The following STK39 variants were observed in gnomAD, a reference collection of about 807,000 sequenced individuals.
The protein encoded by STK39 is serine/threonine kinase 39.
STK39 carries 20 observed loss-of-function variants against 77.8 expected under a neutral mutation model. The observed-to-expected ratio is 0.26, with a 90% CI of 0.18 to 0.37. STK39 has a LOEUF of 0.37. STK39 is among the 10% of genes least tolerant of loss of function. The pLI is 1.00. For missense variants in STK39, 479 were observed against 656.5 expected (o/e 0.73, Z 2.95); for synonymous variants, 246 against 234.1 (o/e 1.05, Z -0.47).
rs116344243 is a variant in STK39, at chr2:168,053,868, A to C, written c.1376+9632T>G. 9.9e-3 allele frequency among the ~76,000 whole-genome samples: 1,504 copies of C among 152,362 alleles called. 27 individuals are homozygous for C. The highest frequency in any genetic ancestry group is 0.033 in the African/African-American group (1,386 of 41,588). On this transcript the variant is annotated intron_variant, in intron 14 of 17. Coordinates refer to ENST00000355999, the MANE Select transcript of STK39 (RefSeq NM_013233.3). ...GTGTCAGAAGACCCAGATGCTAGCC[A>C]GCTGGAGAATTACAGCTGTGACTGC...
At chr2:168,058,776 C>T (rs1176463048) in intron 14 of STK39, among the ~76,000 whole-genome samples, 1 of 152,242 alleles carries the variant, frequency 6.6e-6, no homozygotes, top group East Asian at 1.9e-4. Context: ...GTCACATCAT[C>T]GTCACTATGT....
At chr2:168,029,952 A>T (rs1181304789) in intron 14 of STK39, among the ~76,000 whole-genome samples, 1 of 152,078 alleles carries the variant, frequency 6.6e-6, no homozygotes, top group Non-Finnish European at 1.5e-5. Flanking sequence ...TAAATCTCCC[A>T]ATTTTGGGCC....
Position 168,062,264 on chromosome 2 carries a change from G to T in STK39, c.1376+1236C>A, listed in dbSNP as rs148992849. 2.0e-3 allele frequency among the ~76,000 whole-genome samples: 303 copies of T among 152,264 alleles called. 1 individual carries two copies. The highest frequency in any genetic ancestry group is 3.6e-3 in the Non-Finnish European group (248 of 68,022). On this transcript the variant is annotated intron_variant, in intron 14 of 17. Transcript: ENST00000355999. ...GCACAGAGCTCCTGGCGCAGAGTGGGCTCCTCATAAATACGGGCTGAATTA... is the reference window on the plus strand; with the variant it reads ...GCACAGAGCTCCTGGCGCAGAGTGGTCTCCTCATAAATACGGGCTGAATTA...
At chr2:168,172,727 C>T (rs1199162602) in intron 2 of STK39, among the ~76,000 whole-genome samples, 3 of 152,090 alleles carry the variant, frequency 2.0e-5, no homozygotes, top group Admixed American at 6.6e-5. Context: ...ACCAAATTTG[C>T]GTATTTTACA....
At chr2:168,017,159 A>G in intron 14 of STK39, 64 bp from the exon 15 acceptor site, 1 of 1,174,062 alleles carries the variant, frequency 8.5e-7, no homozygotes, top group Non-Finnish European at 1.2e-6. Flanking sequence ...AACTACATGT[A>G]TTCAGATTTT....
intron 5 of STK39, among the ~76,000 whole-genome samples, chr2:168,151,587 T>C (rs1236689531): frequency 1.3e-5 from 2 of 151,742 alleles, no homozygotes; most frequent in African/African-American, 4.8e-5. Context: ...ACACAAAAAA[T>C]TAGCCAGGTG....
intron 5 of STK39, among the ~76,000 whole-genome samples, chr2:168,151,643 G>A (rs1443065754): frequency 6.6e-6 from 1 of 151,680 alleles, no homozygotes; most frequent in Non-Finnish European, 1.5e-5. Flanking sequence ...TGAGGCTGAC[G>A]CAGGAGAATC....
At chr2:168,006,656 G>A (rs1036421358) in intron 16 of STK39, among the ~76,000 whole-genome samples, 2 of 152,190 alleles carry the variant, frequency 1.3e-5, no homozygotes, top group Non-Finnish European at 2.9e-5. Context: ...ATGTCCTCTA[G>A]TTTTTCATCT....
At chr2:168,059,261 G>T (rs1168660600) in intron 14 of STK39, among the ~76,000 whole-genome samples, 2 of 152,142 alleles carry the variant, frequency 1.3e-5, no homozygotes, top group African/African-American at 4.8e-5. Flanking sequence ...CTCCCCTTGA[G>T]TATGAACAGG....
At chr2:168,211,095 C>G (rs1689879497) in intron 1 of STK39, among the ~76,000 whole-genome samples, 1 of 152,164 alleles carries the variant, frequency 6.6e-6, no homozygotes, top group African/African-American at 2.4e-5. Context: ...TTCAGTTCCT[C>G]TAAATCCAAC....
intron 1 of STK39, among the ~76,000 whole-genome samples, chr2:168,190,967 C>T (rs954580404): frequency 7.2e-5 from 11 of 152,198 alleles, no homozygotes; most frequent in African/African-American, 2.7e-4. Flanking sequence ...CACAGATAAA[C>T]GGATACACCC....
chr2:168,013,418 C>A (rs1684320968), intron 15 of STK39, among the ~76,000 whole-genome samples: 1 of 152,238 alleles, frequency 6.6e-6, no homozygotes, highest in African/African-American at 2.4e-5. Flanking sequence ...CACTAATCTT[C>A]TATCTGAAGG....
intron 1 of STK39, among the ~76,000 whole-genome samples, chr2:168,195,628 T>G (rs1218576800): frequency 6.6e-6 from 1 of 152,214 alleles, no homozygotes; most frequent in African/African-American, 2.4e-5. Context: ...TCTCCTGATG[T>G]GTCAATTAGC....
At chr2:168,166,380 C>A (rs1390238057) in intron 3 of STK39, among the ~76,000 whole-genome samples, 1 of 152,204 alleles carries the variant, frequency 6.6e-6, no homozygotes, top group African/African-American at 2.4e-5. Flanking sequence ...TGTGAAAGCA[C>A]CTTGTAAATT....
chr2:167,995,599 G>T (rs926560622), intron 16 of STK39, among the ~76,000 whole-genome samples: 97 of 152,254 alleles, frequency 6.4e-4, no homozygotes, highest in Non-Finnish European at 7.8e-4. Context: ...AGAAAGAACA[G>T]AGAGTATCAA....
intron 16 of STK39, among the ~76,000 whole-genome samples, chr2:167,967,798 T>C (rs1692200107): frequency 1.3e-5 from 2 of 152,130 alleles, no homozygotes; most frequent in Non-Finnish European, 2.9e-5. Context: ...TTTTAAAATA[T>C]AATTTCAACT....
At chr2:167,985,049 T>A (rs774392396) in intron 16 of STK39, among the ~76,000 whole-genome samples, 14 of 152,314 alleles carry the variant, frequency 9.2e-5, no homozygotes, top group South Asian at 2.1e-4. Flanking sequence ...CTCTGTCTCA[T>A]ATATTCTAAG....
intron 2 of STK39, among the ~76,000 whole-genome samples, chr2:168,173,069 C>A (rs372682563): frequency 7.2e-5 from 11 of 152,124 alleles, no homozygotes; most frequent in African/African-American, 2.2e-4. Context: ...CCCCTACTTG[C>A]GAGCTAAGTG....
chr2:168,097,012 C>A (rs1425151605), intron 10 of STK39, among the ~76,000 whole-genome samples: 1 of 152,138 alleles, frequency 6.6e-6, no homozygotes, highest in Non-Finnish European at 1.5e-5. Flanking sequence ...TTAACACATA[C>A]TACTATGGGT....
Sources: gnomAD v4.1 joint callset for allele counts (sites outside exome capture counted in the v4.1 genomes callset) on GRCh38, gnomAD v4.1.1 for gene constraint, MANE v1.5 for transcripts, NCBI Gene and HGNC (gene_info 2026-07-23, HGNC 2026-07-21) for gene names.